TAFA5: variants seen among roughly 807,000 people sequenced by gnomAD.
The protein encoded by TAFA5 is chemokine-like protein TAFA-5.
A neutral mutation model predicts 15.3 loss-of-function variants in TAFA5; 6 were observed. That is an observed-to-expected ratio of 0.39 (90% CI 0.21 to 0.77). The LOEUF (loss-of-function observed/expected upper bound fraction) is 0.77. Ranked by LOEUF, TAFA5 falls within the 30% of genes least tolerant of loss-of-function variation. The probability of loss-of-function intolerance (pLI) is 0.41; values close to 1 mark genes in which losing one functional copy is unlikely to be tolerated. For synonymous variants in TAFA5, 103 were observed against 80.7 expected (o/e 1.28, Z -1.48); for missense variants, 161 against 193.1 (o/e 0.83, Z 0.98).
chr22:48,693,748 TCCCCCAA>T (rs1057462194), intron 2 of TAFA5, among the ~76,000 whole-genome samples: 1 of 152,024 alleles, frequency 6.6e-6, no homozygotes, highest in Non-Finnish European at 1.5e-5. Flanking sequence ...TCTGAGGGCC[TCCCCCAA>T]CCCTCCAGCC....
At chr22:48,710,835 G>A (rs566376166) in intron 3 of TAFA5, among the ~76,000 whole-genome samples, 2 of 152,322 alleles carry the variant, frequency 1.3e-5, no homozygotes, top group African/African-American at 4.8e-5. Flanking sequence ...TTTCCCTTGG[G>A]CCTCACGGGC....
chr22:48,612,687 GC>G (rs1467143825), intron 1 of TAFA5, among the ~76,000 whole-genome samples: 2 of 152,170 alleles, frequency 1.3e-5, no homozygotes, highest in African/African-American at 4.8e-5. Flanking sequence ...TCCCACGAGT[GC>G]CTTTCTCTGA....
At chr22:48,528,260 G>C (rs1477257645) in intron 1 of TAFA5, among the ~76,000 whole-genome samples, 2 of 152,204 alleles carry the variant, frequency 1.3e-5, no homozygotes, top group African/African-American at 4.8e-5. Context: ...AGTGGGCCTG[G>C]GGGCTGCTGC....
At position 48,647,838 on chromosome 22, in the gene TAFA5, A is replaced by AGG. The variant is rs1926920660; in HGVS notation, c.262+1094_262+1095dup. 3.3e-5 allele frequency among the ~76,000 whole-genome samples: 5 copies of AGG among 152,186 alleles called. No homozygotes were observed. The South Asian group carries it at 1.0e-3, about 32-fold the overall frequency. ...CCACAGCCCAGGAGAGAGTGCAGGG[A>AGG]GGGAGGGTCCCCCGTGGGTGAGATG... is the stretch of plus-strand genomic sequence containing the variant. On this transcript the variant is annotated intron_variant, in intron 2 of 3. Transcript: ENST00000402357.
At chr22:48,575,785 G>C (rs927459517) in intron 1 of TAFA5, among the ~76,000 whole-genome samples, 20 of 144,556 alleles carry the variant, frequency 1.4e-4, no homozygotes, top group Admixed American at 4.8e-4. Context: ...CCGCGGGCTC[G>C]GCCGGGCCGC....
chr22:48,512,404 C>T lies in TAFA5; in HGVS notation c.112+22700C>T, dbSNP rs1430569126. The stretch of plus-strand genomic sequence containing the variant: ...GGCAGATCGCTTGAGGTCAGGAGTT[C>T]GAGACCAGCCTGGCCAACATGGTGA... On this transcript the variant is annotated intron_variant, in intron 1 of 3. Coordinates refer to ENST00000402357, the MANE Select transcript of TAFA5 (RefSeq NM_001082967.3). Among the ~76,000 whole-genome samples, 4 of 151,954 alleles carry T rather than the reference C, an allele frequency of 2.6e-5. No individual in the cohort carries two copies. The East Asian group carries it at 5.8e-4, about 22-fold the overall frequency.
intron 2 of TAFA5, among the ~76,000 whole-genome samples, chr22:48,681,282 G>T (rs1433621886): frequency 6.6e-6 from 1 of 152,114 alleles, no homozygotes; most frequent in Non-Finnish European, 1.5e-5. Context: ...AAAATGAGGG[G>T]CTCCAACCCG....
At chr22:48,543,136 T>G (rs2147121611) in intron 1 of TAFA5, among the ~76,000 whole-genome samples, 1 of 152,120 alleles carries the variant, frequency 6.6e-6, no homozygotes, top group Admixed American at 6.5e-5. Context: ...TCCCCTGGCA[T>G]CTGCGTCTCT....
At chr22:48,707,557 C>A (rs1474180302) in intron 2 of TAFA5, among the ~76,000 whole-genome samples, 160 bp from the exon 3 acceptor site, 2 of 152,176 alleles carry the variant, frequency 1.3e-5, no homozygotes, top group African/African-American at 2.4e-5. Context: ...GCTGGCAAAG[C>A]CCCTGGGCCC....
chr22:48,649,300 A>T (rs114778611), intron 2 of TAFA5, among the ~76,000 whole-genome samples: 2,379 of 152,274 alleles, frequency 0.016, 60 homozygotes, highest in African/African-American at 0.054. Flanking sequence ...TAGACCTAGC[A>T]GCCGTATGCC....
At chr22:48,568,856 T>A (rs1923490606) in intron 1 of TAFA5, among the ~76,000 whole-genome samples, 1 of 152,188 alleles carries the variant, frequency 6.6e-6, no homozygotes. Context: ...TGTCCAGCAG[T>A]GCTGAGCACA....
chr22:48,492,656 A>C (rs1163474317), intron 1 of TAFA5, among the ~76,000 whole-genome samples: 3 of 152,130 alleles, frequency 2.0e-5, no homozygotes, highest in Non-Finnish European at 4.4e-5. Context: ...AAGTGCCAGG[A>C]GACGCAAACA....
At chr22:48,603,423 G>C (rs920835130) in intron 1 of TAFA5, among the ~76,000 whole-genome samples, 1 of 152,252 alleles carries the variant, frequency 6.6e-6, no homozygotes, top group Non-Finnish European at 1.5e-5. Flanking sequence ...TGATCACCCT[G>C]GGGACAGTGG....
chr22:48,551,099 G>A (rs915310863), intron 1 of TAFA5, among the ~76,000 whole-genome samples: 1 of 152,054 alleles, frequency 6.6e-6, no homozygotes, highest in Non-Finnish European at 1.5e-5. Flanking sequence ...GGCACGGGGT[G>A]AGGTCCCTCC....
chr22:48,607,852 G>A (rs1166355046), intron 1 of TAFA5, among the ~76,000 whole-genome samples: 1 of 151,998 alleles, frequency 6.6e-6, no homozygotes, highest in Non-Finnish European at 1.5e-5. Context: ...TTTTTGCTTG[G>A]TCTAAGTCCT....
intron 2 of TAFA5, among the ~76,000 whole-genome samples, chr22:48,680,474 G>A (rs1470040543): frequency 9.8e-6 from 1 of 102,466 alleles, no homozygotes; most frequent in Admixed American, 8.5e-5. Flanking sequence ...AGAAGGGCGA[G>A]GGGGCTAAGA....
At chr22:48,682,415 C>T (rs1437338102) in intron 2 of TAFA5, among the ~76,000 whole-genome samples, 2 of 152,180 alleles carry the variant, frequency 1.3e-5, no homozygotes, top group African/African-American at 2.4e-5. Flanking sequence ...CACCCAGAGC[C>T]CCCTGAAGTT....
intron 1 of TAFA5, among the ~76,000 whole-genome samples, chr22:48,637,218 C>T (rs1382308646): frequency 6.6e-6 from 1 of 152,156 alleles, no homozygotes; most frequent in African/African-American, 2.4e-5. Context: ...TGGTGCGTGC[C>T]TGTGTGTAAG....
At chr22:48,695,757 G>A (rs780180483) in intron 2 of TAFA5, among the ~76,000 whole-genome samples, 11 of 152,186 alleles carry the variant, frequency 7.2e-5, no homozygotes, top group Non-Finnish European at 1.0e-4. Context: ...CTGAGCTGCC[G>A]ACTCTTTGAG....
Sources: allele counts gnomAD v4.1 joint callset (sites outside exome capture counted in the v4.1 genomes callset), GRCh38; gene constraint gnomAD v4.1.1; transcripts MANE v1.5; gene names NCBI Gene and HGNC (gene_info 2026-07-23, HGNC 2026-07-21).